CAB39: variants seen among roughly 807,000 people sequenced by gnomAD.
CAB39 encodes calcium binding protein 39.
A neutral mutation model predicts 40.0 loss-of-function variants in CAB39; 8 were observed. The observed-to-expected ratio is 0.20, with a 90% confidence interval of 0.12 to 0.36. CAB39 has a LOEUF of 0.36. Among genes scored for constraint, CAB39 ranks in the 10% least tolerant of loss-of-function variants. The pLI is 1.00. For synonymous variants in CAB39, 156 were observed against 141.6 expected, an observed-to-expected ratio of 1.10 and a Z score of -0.72; for missense variants, 270 against 401.1, an observed-to-expected ratio of 0.67 and a Z score of 2.79.
intron 5 of CAB39, among the ~76,000 whole-genome samples, chr2:230,801,851 G>A (rs538944416): frequency 2.0e-5 from 3 of 149,218 alleles, no homozygotes; most frequent in East Asian, 1.9e-4. Context: ...CCTGGGCGAC[G>A]GAGTGGGACT....
At chr2:230,729,420 C>T (rs988644480) in intron 1 of CAB39, among the ~76,000 whole-genome samples, 1 of 152,090 alleles carries the variant, frequency 6.6e-6, no homozygotes, top group African/African-American at 2.4e-5. Flanking sequence ...CAATTTTAAA[C>T]CTGGGAAAAC....
intron 4 of CAB39, among the ~76,000 whole-genome samples, chr2:230,795,276 C>CAA (rs397988179): frequency 0.021 from 2,983 of 142,022 alleles, 96 homozygotes; most frequent in African/African-American, 0.064. Flanking sequence ...ACTTGATTTC[C>CAA]AAAAAAAAAA....
At chr2:230,746,692 C>T (rs1229935024) in intron 1 of CAB39, among the ~76,000 whole-genome samples, 1 of 152,154 alleles carries the variant, frequency 6.6e-6, no homozygotes, top group Non-Finnish European at 1.5e-5. Flanking sequence ...CCAAGAGCAT[C>T]TTGGTTCTGG....
intron 1 of CAB39, among the ~76,000 whole-genome samples, chr2:230,741,760 T>C (rs1316469640): frequency 1.3e-5 from 2 of 152,256 alleles, no homozygotes; most frequent in Non-Finnish European, 2.9e-5. Flanking sequence ...CAAATTTAAA[T>C]AAGTTTATGT....
intron 2 of CAB39, among the ~76,000 whole-genome samples, chr2:230,772,904 C>T (rs921721844): frequency 2.0e-5 from 3 of 149,666 alleles, no homozygotes; most frequent in Non-Finnish European, 4.4e-5. Flanking sequence ...ATGTTCATAG[C>T]GGCCTTATTT....
At chr2:230,741,388 A>G (rs1694874646) in intron 1 of CAB39, among the ~76,000 whole-genome samples, 1 of 152,210 alleles carries the variant, frequency 6.6e-6, no homozygotes. Flanking sequence ...CTACTTCAGA[A>G]TATTCCTACC....
At position 230,754,236 on chromosome 2, in the gene CAB39, T is replaced by G. The variant is rs560973125; in HGVS notation, c.-43-5723T>G. 1.4e-3 allele frequency among the ~76,000 whole-genome samples: 217 copies of G among 152,320 alleles called. 1 individual carries two copies. The highest frequency in any genetic ancestry group is 5.1e-3 in the African/African-American group (210 of 41,566). The stretch of plus-strand genomic sequence containing the variant: ...TCTTTAGTGGTTTGTGAGGTTTTGG[T>G]GCACCCATCACCCAGGCAGTATAGA... On this transcript the variant is annotated intron_variant, in intron 1 of 8. Coordinates refer to ENST00000258418, the MANE Select transcript of CAB39 (RefSeq NM_016289.4).
intron 5 of CAB39, among the ~76,000 whole-genome samples, chr2:230,801,428 A>G (rs1696087553): frequency 6.6e-6 from 1 of 152,202 alleles, no homozygotes; most frequent in Non-Finnish European, 1.5e-5. Flanking sequence ...TATTCTTATA[A>G]TGGAAAAGAA....
chr2:230,723,166 T>A (rs774052642), intron 1 of CAB39, among the ~76,000 whole-genome samples: 3 of 152,200 alleles, frequency 2.0e-5, no homozygotes, highest in Non-Finnish European at 2.9e-5. Context: ...AGTTACTGTT[T>A]CCTGTTTTAT....
intron 1 of CAB39, among the ~76,000 whole-genome samples, chr2:230,722,956 A>G (rs553569309): frequency 6.6e-6 from 1 of 152,296 alleles, no homozygotes; most frequent in African/African-American, 2.4e-5. Context: ...GCTTTATGCT[A>G]TATTATTATA....
intron 5 of CAB39, among the ~76,000 whole-genome samples, chr2:230,802,612 A>G (rs1696110992): frequency 1.3e-5 from 2 of 152,236 alleles, no homozygotes; most frequent in Admixed American, 6.5e-5. Context: ...AACTACCATC[A>G]GAGAATACCA....
intron 1 of CAB39, among the ~76,000 whole-genome samples, chr2:230,754,380 T>C (rs7604335): frequency 0.24 from 31,966 of 134,436 alleles, 7,886 homozygotes; most frequent in African/African-American, 0.64. Flanking sequence ...TCTGCCTTCC[T>C]CTTCCCCTCC....
chr2:230,765,924 T>C (rs1695377719), intron 2 of CAB39, among the ~76,000 whole-genome samples: 1 of 152,140 alleles, frequency 6.6e-6, no homozygotes, highest in African/African-American at 2.4e-5. Flanking sequence ...AAGAAAAACA[T>C]TTGAATTTAT....
Position 230,782,813 on chromosome 2 carries a change from C to CTTTTTTTTTT in CAB39, c.115-8049_115-8040dup, listed in dbSNP as rs1212977897. 4.2e-4 allele frequency among the ~76,000 whole-genome samples: 34 copies of CTTTTTTTTTT among 81,770 alleles called. 3 individuals are homozygous for CTTTTTTTTTT. The highest frequency in any genetic ancestry group is 1.3e-3 in the African/African-American group (21 of 16,006). The allele number at this position is 81,770 out of a possible 152,430, so 53.6% of individuals were successfully genotyped here. A position where few individuals can be genotyped will look rare whatever the true frequency, so the allele number is the denominator to read the frequency against. On this transcript the variant is annotated intron_variant, in intron 2 of 8. Coordinates refer to ENST00000258418, the MANE Select transcript of CAB39 (RefSeq NM_016289.4). ...TGTTTCTTTCTTTCTTTCTTTCTTT[C>CTTTTTTTTTT]TTTTTTTTTTTTTTTTTTTGAGAAG...
chr2:230,727,749 G>A (rs1361311363), intron 1 of CAB39, among the ~76,000 whole-genome samples: 1 of 151,964 alleles, frequency 6.6e-6, no homozygotes, highest in African/African-American at 2.4e-5. Context: ...TATATTAAAG[G>A]CCATGCCCTC....
chr2:230,753,474 G>A (rs1234371921), intron 1 of CAB39, among the ~76,000 whole-genome samples: 4 of 151,902 alleles, frequency 2.6e-5, no homozygotes, highest in Non-Finnish European at 5.9e-5. Flanking sequence ...CCATTTTTTG[G>A]CCAGACGTGG....
intron 8 of CAB39, 176 bp downstream of exon 8, chr2:230,818,073 G>A (rs938284085): frequency 3.4e-6 from 2 of 590,698 alleles, no homozygotes; most frequent in African/African-American, 3.9e-5. Flanking sequence ...CTGGAAACGG[G>A]TTACTGTTTG....
At chr2:230,817,251 A>G (rs1696418214) in intron 7 of CAB39, among the ~76,000 whole-genome samples, 1 of 152,230 alleles carries the variant, frequency 6.6e-6, no homozygotes, top group South Asian at 2.1e-4. Flanking sequence ...TAGCTGTGAT[A>G]AAACGATAAC....
intron 1 of CAB39, among the ~76,000 whole-genome samples, chr2:230,727,499 C>T (rs1167019946): frequency 2.7e-5 from 4 of 150,622 alleles, no homozygotes; most frequent in Admixed American, 6.6e-5. Context: ...ACTGTAGCCT[C>T]AACCTTCTGG....
Sources: gnomAD v4.1 joint callset for allele counts (sites outside exome capture counted in the v4.1 genomes callset) on GRCh38, gnomAD v4.1.1 for gene constraint, MANE v1.5 for transcripts, NCBI Gene and HGNC (gene_info 2026-07-23, HGNC 2026-07-21) for gene names.